NALF1: variants seen among roughly 807,000 people sequenced by gnomAD.
NALF1 encodes family with sequence similarity 155 member A.
In NALF1, 3 loss-of-function variants were observed where a neutral mutation model predicts 48.4. The observed-to-expected ratio is 0.06, with a 90% CI of 0.03 to 0.16. The LOEUF is 0.16. Ranked by LOEUF, NALF1 falls within the 10% of genes least tolerant of loss-of-function variation. The pLI, the probability that NALF1 is intolerant of heterozygous loss-of-function variation, is 1.00. For missense variants in NALF1, 526 were observed against 571.5 expected (o/e 0.92, Z 0.81); for synonymous variants, 262 against 245.7 (o/e 1.07, Z -0.62).
chr13:107,621,222 A>G lies in NALF1; in HGVS notation c.915+244460T>C, dbSNP rs77925740. Among the ~76,000 whole-genome samples the G allele has an allele frequency of 8.7e-3, 1,321 of 152,274 alleles. 15 individuals are homozygous for G. Among genetic ancestry groups the G allele is most frequent in the African/African-American group, 0.029 (1,203 of 41,550 alleles). ...GTGTTAACACTGCAGTCCATTATTA[A>G]CTAGTTAGCACATTTCAAGGACAGT... is the stretch of plus-strand genomic sequence containing the variant. On this transcript the variant is annotated intron_variant, in intron 1 of 2. Coordinates refer to ENST00000375915, the MANE Select transcript of NALF1 (RefSeq NM_001080396.3).
intron 1 of NALF1, among the ~76,000 whole-genome samples, chr13:107,389,204 T>C (rs1594150337): frequency 6.6e-6 from 1 of 152,172 alleles, no homozygotes; most frequent in African/African-American, 2.4e-5. Flanking sequence ...ACACTCCGGG[T>C]AGCTGTCAAA....
intron 1 of NALF1, among the ~76,000 whole-genome samples, chr13:107,229,508 G>C (rs535935475): frequency 3.3e-5 from 5 of 152,224 alleles, no homozygotes; most frequent in African/African-American, 1.2e-4. Flanking sequence ...ATGCATCAGG[G>C]GACGCCTTCG....
intron 1 of NALF1, among the ~76,000 whole-genome samples, chr13:107,694,988 TC>T (rs1336357595): frequency 6.6e-6 from 1 of 152,106 alleles, no homozygotes; most frequent in Non-Finnish European, 1.5e-5. Flanking sequence ...AGACGGGGTT[TC>T]ACCATGTTGG....
intron 1 of NALF1, among the ~76,000 whole-genome samples, chr13:107,618,586 G>A (rs1879441250): frequency 6.6e-6 from 1 of 152,196 alleles, no homozygotes; most frequent in Middle Eastern, 3.2e-3. Flanking sequence ...GATGGCAGTG[G>A]CCGGACCGGG....
At chr13:107,350,408 T>C (rs1360775269) in intron 1 of NALF1, among the ~76,000 whole-genome samples, 1 of 152,216 alleles carries the variant, frequency 6.6e-6, no homozygotes, top group East Asian at 1.9e-4. Flanking sequence ...AAAGCAATAT[T>C]CTTTTTAAGA....
intron 1 of NALF1, among the ~76,000 whole-genome samples, chr13:107,312,404 A>G (rs1882064725): frequency 6.6e-6 from 1 of 151,604 alleles, no homozygotes; most frequent in Admixed American, 6.6e-5. Context: ...GGGGAACATC[A>G]CACACCAGGG....
At chr13:107,427,480 C>T (rs1158649772) in intron 1 of NALF1, among the ~76,000 whole-genome samples, 1 of 151,792 alleles carries the variant, frequency 6.6e-6, no homozygotes, top group Non-Finnish European at 1.5e-5. Flanking sequence ...TTAAGAAGAA[C>T]TTCTTAAGAA....
intron 1 of NALF1, among the ~76,000 whole-genome samples, chr13:107,536,672 G>A (rs1355813687): frequency 2.6e-5 from 4 of 152,174 alleles, no homozygotes; most frequent in African/African-American, 4.8e-5. Flanking sequence ...TCAGTGTGGT[G>A]ATTCCTCAGG....
chr13:107,269,035 C>T (rs982148688), intron 1 of NALF1, among the ~76,000 whole-genome samples: 6 of 151,702 alleles, frequency 4.0e-5, no homozygotes, highest in East Asian at 3.9e-4. Flanking sequence ...TGGTGGTGCA[C>T]GCCTGTGGTC....
chr13:107,780,211 A>T (rs905646918), intron 1 of NALF1, among the ~76,000 whole-genome samples: 3 of 152,088 alleles, frequency 2.0e-5, no homozygotes, highest in Admixed American at 6.5e-5. Context: ...CCTTACACTT[A>T]TATGTGTGAT....
chr13:107,555,361 C>T (rs1877430781), intron 1 of NALF1, among the ~76,000 whole-genome samples: 1 of 151,568 alleles, frequency 6.6e-6, no homozygotes, highest in Admixed American at 6.6e-5. Context: ...CAACCTCCGC[C>T]TCCCGGGTTC....
Position 107,170,376 on chromosome 13 carries a change from A to G in NALF1, c.*121T>C. 1.1e-6 allele frequency: 1 copy of G among 921,736 alleles called. No individual in the cohort carries two copies. The highest frequency in any genetic ancestry group is 1.6e-6 in the Non-Finnish European group (1 of 621,442). 57.1% of individuals were successfully genotyped at this position (921,736 alleles called of 1,614,324 possible). A position where few individuals can be genotyped will look rare whatever the true frequency, so the allele number is the denominator to read the frequency against. On this transcript the variant is annotated 3_prime_UTR_variant, in exon 3 of 3. Coordinates refer to ENST00000375915, the MANE Select transcript of NALF1 (RefSeq NM_001080396.3). ...ATTCAGGCCCATCTGTTTAAATTTTACCCTAAAGGCCTTGCAATAAGTAAT... is the reference window on the plus strand; with the variant it reads ...ATTCAGGCCCATCTGTTTAAATTTTGCCCTAAAGGCCTTGCAATAAGTAAT...
chr13:107,525,791 TTGTCTATATTTAAG>T, intron 1 of NALF1, among the ~76,000 whole-genome samples: 1 of 152,270 alleles, frequency 6.6e-6, no homozygotes, highest in Non-Finnish European at 1.5e-5. Flanking sequence ...GCCCTTGGTA[TTGTCTATATTTAAG>T]TGTCTGTATT....
chr13:107,302,880 A>G (rs1053392405), intron 1 of NALF1, among the ~76,000 whole-genome samples: 1 of 152,078 alleles, frequency 6.6e-6, no homozygotes. Context: ...ACAGACACAC[A>G]CACATTTTAA....
At chr13:107,466,281 C>G (rs1885001346) in intron 1 of NALF1, 2 of 152,320 alleles carry the variant, frequency 1.3e-5, no homozygotes, top group African/African-American at 4.8e-5. Context: ...CACTGCCAAA[C>G]CATATCAATG....
In NALF1 at chr13:107,484,604, G is replaced by A. The variant is rs543119269; in HGVS notation, c.916-273849C>T. Among the ~76,000 whole-genome samples, 8 of 152,158 alleles carry A rather than the reference G, an allele frequency of 5.3e-5. No homozygotes were observed. In the South Asian group the frequency reaches 1.2e-3, roughly 24 times the overall value. ...TGCCATCCAACACATATTGTTGAAC[G>A]AATGACCATATGAATACATGTCCCC... On this transcript the variant is annotated intron_variant, in intron 1 of 2. Transcript: ENST00000375915.
chr13:107,624,224 C>T (rs1045968583), intron 1 of NALF1, among the ~76,000 whole-genome samples: 3 of 152,154 alleles, frequency 2.0e-5, no homozygotes, highest in Non-Finnish European at 4.4e-5. Flanking sequence ...ATTCGCCGTT[C>T]TTCTGACTTT....
chr13:107,385,578 CAAAG>C (rs1371181455), intron 1 of NALF1, among the ~76,000 whole-genome samples: 31 of 120,696 alleles, frequency 2.6e-4, no homozygotes, highest in African/African-American at 9.2e-4. Flanking sequence ...AAAAAAAAAA[CAAAG>C]AAAAGAAAAA....
chr13:107,757,019 C>CA (rs928186721), intron 1 of NALF1, among the ~76,000 whole-genome samples: 14 of 150,986 alleles, frequency 9.3e-5, no homozygotes, highest in South Asian at 2.1e-4. Flanking sequence ...CTTTGAAAAA[C>CA]AAAAAAAAAT....
Sources: allele counts gnomAD v4.1 joint callset (sites outside exome capture counted in the v4.1 genomes callset), GRCh38; gene constraint gnomAD v4.1.1; transcripts MANE v1.5; gene names NCBI Gene and HGNC (gene_info 2026-07-23, HGNC 2026-07-21).